The following TOMM20L variants were observed in gnomAD, a reference collection of about 807,000 sequenced individuals.
TOMM20L encodes the protein TOMM20-like protein 1.
In TOMM20L, 19 loss-of-function variants were observed where a neutral mutation model predicts 20.4. The ratio of observed to expected loss-of-function variants is 0.93; its 90% CI spans 0.65 to 1.36. The LOEUF is 1.36. Ranked by LOEUF, TOMM20L falls within the 40% of genes most tolerant of loss-of-function variation. The probability of loss-of-function intolerance (pLI) is 0.00; values close to 1 mark genes in which losing one functional copy is unlikely to be tolerated. For synonymous variants in TOMM20L, 75 were observed against 79.6 expected (o/e 0.94, Z 0.30); for missense variants, 218 against 203.7 (o/e 1.07, Z -0.43).
In TOMM20L at chr14:58,396,039, T is replaced by C; in HGVS notation, c.82T>C (p.Tyr28His). Residue 28 changes from tyrosine (Y) to histidine (H), a missense_variant, in exon 1 of 5, where the codon TAC becomes CAC. Coordinates refer to ENST00000360945, the MANE Select transcript of TOMM20L (RefSeq NM_207377.3). ...GAFAFLGYCI[Y>H]LNRKRRGDPA... ...CTTCGCCTTCCTGGGCTATTGTATT[T>C]ACCTCAACCGGAAGCGGCGCGGGGA... 1.4e-6 allele frequency: 2 copies of C among 1,435,142 alleles called. No individual in the cohort carries two copies. The highest frequency in any genetic ancestry group is 1.8e-6 in the Non-Finnish European group (2 of 1,089,290). 88.9% of individuals were successfully genotyped at this position (1,435,142 alleles called of 1,614,324 possible). A position where few individuals can be genotyped will look rare whatever the true frequency, so the allele number is the denominator to read the frequency against.
chr14:58,414,008 G>GGAAA, the TOMM20L span, among the ~76,000 whole-genome samples: 2 of 24,180 alleles, frequency 8.3e-5, no homozygotes, highest in Admixed American at 1.0e-3. Flanking sequence ...TTCCGTCTCA[G>GGAAA]AAAAAAAAAA....
At position 58,396,434 on chromosome 14, in the gene TOMM20L, T is replaced by G. The variant is rs112748679; in HGVS notation, c.180+93T>G. On this transcript the variant is annotated intron_variant, in intron 2 of 4. Transcript: ENST00000360945. ...TCCTGGCGGGCTCGGCAGCAGGTAG[T>G]TAGTTCCCTCAGCCGCCCGTGCCCG... 1.4e-4 allele frequency: 197 copies of G among 1,425,022 alleles called. No homozygotes were observed. In the African/African-American group the frequency reaches 1.7e-3, roughly 13 times the overall value. The allele number at this position is 1,425,022 out of a possible 1,614,324, so 88.3% of individuals were successfully genotyped here.
intron 3 of TOMM20L, among the ~76,000 whole-genome samples, chr14:58,407,033 C>T (rs983045106): frequency 6.6e-6 from 1 of 152,174 alleles, no homozygotes; most frequent in African/African-American, 2.4e-5. Flanking sequence ...ACCTCAGTAT[C>T]CTCTTCCCTC....
chr14:58,405,053 C>G (rs2036040835), intron 3 of TOMM20L, among the ~76,000 whole-genome samples: 1 of 151,624 alleles, frequency 6.6e-6, no homozygotes. Flanking sequence ...ATTGCAACCT[C>G]TGCCTTCCAG....
At chr14:58,402,843 A>G in intron 3 of TOMM20L, 82 bp downstream of exon 3, 1 of 1,073,322 alleles carries the variant, frequency 9.3e-7, no homozygotes, top group Non-Finnish European at 1.4e-6. Flanking sequence ...TATGTCAAAT[A>G]ACTAGCTGGA....
At chr14:58,408,051 A>G (rs370441266) in intron 4 of TOMM20L, among the ~76,000 whole-genome samples, 14 of 152,226 alleles carry the variant, frequency 9.2e-5, no homozygotes, top group South Asian at 2.1e-4. Context: ...CCATTACAGT[A>G]TAACAGTCAA....
chr14:58,400,913 T>C (rs1340269841), intron 2 of TOMM20L, among the ~76,000 whole-genome samples: 1 of 152,102 alleles, frequency 6.6e-6, no homozygotes, highest in East Asian at 1.9e-4. Flanking sequence ...CCTATCATAA[T>C]CTAGCTAATT....
At chr14:58,412,076 T>A, downstream of TOMM20L, 1 of 774,348 alleles carries the variant, frequency 1.3e-6, no homozygotes. Flanking sequence ...TCTGTGTATG[T>A]AATTGTATGC....
chr14:58,414,815 G>A, the TOMM20L span, among the ~76,000 whole-genome samples: 4 of 151,182 alleles, frequency 2.6e-5, no homozygotes, highest in Admixed American at 6.6e-5. Flanking sequence ...CATTTCCTTC[G>A]TATGCACAGA....
intron 3 of TOMM20L, among the ~76,000 whole-genome samples, chr14:58,404,867 G>T (rs980790010): frequency 6.6e-6 from 1 of 151,904 alleles, no homozygotes; most frequent in Non-Finnish European, 1.5e-5. Context: ...TGTACAGTTA[G>T]AACTGACTTA....
At chr14:58,406,023 T>A (rs1278160017) in intron 3 of TOMM20L, among the ~76,000 whole-genome samples, 2 of 152,174 alleles carry the variant, frequency 1.3e-5, no homozygotes, top group Admixed American at 6.5e-5. Context: ...AATGTGGCAA[T>A]TTTTCACCCA....
chr14:58,414,060 T>C, the TOMM20L span, among the ~76,000 whole-genome samples: 1 of 135,106 alleles, frequency 7.4e-6, no homozygotes, highest in African/African-American at 2.7e-5. Flanking sequence ...TAAAGCTGTT[T>C]GAAACAGAAA....
At chr14:58,409,021 C>T, downstream of TOMM20L, 2 of 1,605,270 alleles carry the variant, frequency 1.2e-6, no homozygotes, top group Non-Finnish European at 1.7e-6. Flanking sequence ...AAAGTTCATC[C>T]ATCAGGACTT....
downstream of TOMM20L, chr14:58,408,997 G>GCAAT (rs760018678): frequency 6.3e-7 from 1 of 1,591,074 alleles, no homozygotes; most frequent in Admixed American, 1.9e-5. Context: ...GCAGCTGTTG[G>GCAAT]CAATCTTTCA....
chr14:58,402,897 T>G, intron 3 of TOMM20L, 136 bp downstream of exon 3: 1 of 660,394 alleles, frequency 1.5e-6, no homozygotes, highest in Non-Finnish European at 2.7e-6. Flanking sequence ...TATCCCAGCA[T>G]GTTCACTTCA....
intron 2 of TOMM20L, among the ~76,000 whole-genome samples, chr14:58,401,086 T>TC (rs1300287301): frequency 6.6e-6 from 1 of 152,182 alleles, no homozygotes; most frequent in Non-Finnish European, 1.5e-5. Context: ...ACATTGGACT[T>TC]CGTCTTGTAC....
intron 3 of TOMM20L, among the ~76,000 whole-genome samples, chr14:58,404,097 A>ATGTGTG (rs369989732): frequency 0.057 from 395 of 6,924 alleles, 37 homozygotes; most frequent in Middle Eastern, 0.17. Flanking sequence ...ATACATATAT[A>ATGTGTG]TGTATATATA....
Position 58,395,936 on chromosome 14 carries a change from C to G in TOMM20L, c.-22C>G. 1.5e-6 allele frequency: 2 copies of G among 1,352,832 alleles called. No individual in the cohort carries two copies. Among genetic ancestry groups the G allele is most frequent in the Non-Finnish European group, 9.5e-7 (1 of 1,047,190 alleles). 83.8% of individuals were successfully genotyped at this position (1,352,832 alleles called of 1,614,324 possible). On this transcript the variant is annotated 5_prime_UTR_variant, in exon 1 of 5. Coordinates refer to ENST00000360945, the MANE Select transcript of TOMM20L (RefSeq NM_207377.3). Reference sequence around the variant, plus strand: ...CGGCCGGCCCGCGCCCAACGCTCGGCTTGTGGGACGCCCGCGGTCGGATGC... The same window carrying G: ...CGGCCGGCCCGCGCCCAACGCTCGGGTTGTGGGACGCCCGCGGTCGGATGC...
rs746195024 is a variant in TOMM20L, at chr14:58,396,041, C to A, written c.84C>A (p.Tyr28Ter). 1 of 1,432,630 alleles carries A rather than the reference C, an allele frequency of 7.0e-7. No homozygotes were observed. Among genetic ancestry groups the A allele is most frequent in the South Asian group, 1.7e-5 (1 of 60,376 alleles). 88.7% of individuals were successfully genotyped at this position (1,432,630 alleles called of 1,614,324 possible). ...GAFAFLGYCI[Y>*]LNRKRRGDPA... is the part of the protein sequence containing the mutation. The stretch of plus-strand genomic sequence containing the variant: ...TCGCCTTCCTGGGCTATTGTATTTA[C>A]CTCAACCGGAAGCGGCGCGGGGACC... The change falls in exon 1 of 5, where the codon TAC (tyrosine) becomes TAA (stop). Residue 28 changes from tyrosine (Y) to a stop codon, truncating the protein, a stop_gained. Transcript: ENST00000360945. LOFTEE classifies it high-confidence loss of function.
Sources: allele counts gnomAD v4.1 joint callset (sites outside exome capture counted in the v4.1 genomes callset), GRCh38; gene constraint gnomAD v4.1.1; transcripts MANE v1.5; gene names NCBI Gene and HGNC (gene_info 2026-07-23, HGNC 2026-07-21).